Variants in CCSER2 observed in about 807,000 individuals in gnomAD.
The protein encoded by CCSER2 is coiled-coil serine rich protein 2, also known as serine-rich coiled-coil domain-containing protein 2.
CCSER2 carries 46 observed loss-of-function variants against 92.3 expected under a neutral mutation model. The ratio of observed to expected loss-of-function variants is 0.50; its 90% CI spans 0.39 to 0.64. CCSER2 has a LOEUF of 0.64. Among genes scored for constraint, CCSER2 ranks in the 30% least tolerant of loss-of-function variants. The pLI, the probability that CCSER2 is intolerant of heterozygous loss-of-function variation, is 0.00. For synonymous variants in CCSER2, 433 were observed against 431.4 expected (o/e 1.00, Z -0.04); for missense variants, 1,244 against 1,238.9 (o/e 1.00, Z -0.06).
chr10:84,469,323 TA>T (rs1156734048), intron 7 of CCSER2, among the ~76,000 whole-genome samples: 1 of 152,150 alleles, frequency 6.6e-6, no homozygotes, highest in Non-Finnish European at 1.5e-5. Flanking sequence ...TTCCTAAACT[TA>T]AAAACAAGTG....
intron 9 of CCSER2, among the ~76,000 whole-genome samples, chr10:84,511,092 A>C (rs1345179678): frequency 6.6e-6 from 1 of 152,234 alleles, no homozygotes; most frequent in Non-Finnish European, 1.5e-5. Flanking sequence ...GTAATTCACT[A>C]GTAGTATAGA....
chr10:84,452,830 GC>G (rs1445114330), intron 6 of CCSER2, among the ~76,000 whole-genome samples: 1 of 151,686 alleles, frequency 6.6e-6, no homozygotes, highest in Non-Finnish European at 1.5e-5. Flanking sequence ...GATCCCCGCC[GC>G]CCCCCTCCCC....
At chr10:84,441,747 T>G (rs940500800) in intron 6 of CCSER2, among the ~76,000 whole-genome samples, 5 of 50,492 alleles carry the variant, frequency 9.9e-5, no homozygotes, top group East Asian at 8.5e-4. Flanking sequence ...TTTTTTTTTT[T>G]TTTTTTTTTT....
At chr10:84,390,718 A>G (rs567303376) in intron 3 of CCSER2, among the ~76,000 whole-genome samples, 1 of 152,188 alleles carries the variant, frequency 6.6e-6, no homozygotes, top group South Asian at 2.1e-4. Context: ...AACCCACTTC[A>G]CTTCTGCCAC....
intron 9 of CCSER2, chr10:84,499,814 T>G: frequency 6.6e-7 from 1 of 1,525,386 alleles, no homozygotes; most frequent in Non-Finnish European, 9.1e-7. Context: ...TATGACTTGG[T>G]TTCTCTATTT....
intron 5 of CCSER2, among the ~76,000 whole-genome samples, chr10:84,437,653 A>G (rs1173909000): frequency 1.3e-5 from 2 of 150,996 alleles, no homozygotes; most frequent in Non-Finnish European, 2.9e-5. Context: ...TTTTTTCCTT[A>G]TTCAGCATGT....
chr10:84,483,959 A>T (rs1318740514), intron 9 of CCSER2, among the ~76,000 whole-genome samples: 1 of 4,926 alleles, frequency 2.0e-4, no homozygotes, highest in Non-Finnish European at 3.8e-4. Context: ...TAATTTATAT[A>T]TATATATATA....
chr10:84,335,249 T>A (rs1002081960), intron 1 of CCSER2, among the ~76,000 whole-genome samples: 1 of 145,862 alleles, frequency 6.9e-6, no homozygotes, highest in Non-Finnish European at 1.5e-5. Context: ...TTTTTTTTTT[T>A]TTGAGACAGG....
At chr10:84,344,839 G>A (rs770417838) in intron 1 of CCSER2, among the ~76,000 whole-genome samples, 16 of 152,160 alleles carry the variant, frequency 1.1e-4, no homozygotes, top group Non-Finnish European at 2.1e-4. Context: ...GAAGGCTTGG[G>A]TAATTTTAGC....
intron 1 of CCSER2, among the ~76,000 whole-genome samples, chr10:84,330,969 T>C (rs1178385982): frequency 6.6e-6 from 1 of 152,194 alleles, no homozygotes; most frequent in East Asian, 1.9e-4. Flanking sequence ...ATCTGTGTAT[T>C]TCACTTTTGC....
At chr10:84,448,864 G>A (rs770706079) in intron 6 of CCSER2, among the ~76,000 whole-genome samples, 31 of 151,970 alleles carry the variant, frequency 2.0e-4, no homozygotes, top group Non-Finnish European at 2.4e-4. Context: ...TTTTTTACTC[G>A]CCTTAATGGT....
chr10:84,457,369 A>AT (rs1845786028), intron 6 of CCSER2, among the ~76,000 whole-genome samples: 29 of 91,024 alleles, frequency 3.2e-4, no homozygotes, highest in South Asian at 8.1e-4. Flanking sequence ...ATTTATTTTA[A>AT]ATATATATTT....
chr10:84,441,734 A>AATTTTTTTT, intron 6 of CCSER2, among the ~76,000 whole-genome samples: 1 of 106,410 alleles, frequency 9.4e-6, no homozygotes, highest in Non-Finnish European at 1.8e-5. Context: ...GACTGGGAAA[A>AATTTTTTTT]TGTTTTTTTT....
At chr10:84,434,020 A>C (rs1481615823) in intron 5 of CCSER2, among the ~76,000 whole-genome samples, 1 of 152,222 alleles carries the variant, frequency 6.6e-6, no homozygotes. Context: ...GCAGCTTTGC[A>C]GTCTTCATGT....
chr10:84,356,294 TC>T (rs1205786540), intron 1 of CCSER2, among the ~76,000 whole-genome samples: 1 of 152,066 alleles, frequency 6.6e-6, no homozygotes, highest in Admixed American at 6.6e-5. Context: ...ATTTGGCAAA[TC>T]AAGCAGATTC....
chr10:84,494,956 C>T (rs1258151604), intron 9 of CCSER2, among the ~76,000 whole-genome samples: 3 of 150,152 alleles, frequency 2.0e-5, no homozygotes, highest in Non-Finnish European at 4.4e-5. Context: ...AATGGTTACA[C>T]CACAAAACTG....
At chr10:84,504,840 A>G (rs1213479534) in intron 9 of CCSER2, among the ~76,000 whole-genome samples, 2 of 152,180 alleles carry the variant, frequency 1.3e-5, no homozygotes, top group African/African-American at 4.8e-5. Context: ...ATGCAAATAA[A>G]TCATAAATAA....
intron 3 of CCSER2, among the ~76,000 whole-genome samples, chr10:84,376,310 A>G (rs957612341): frequency 1.3e-5 from 2 of 152,142 alleles, no homozygotes; most frequent in Non-Finnish European, 2.9e-5. Flanking sequence ...ATAAATTTGT[A>G]TGCTTGTTTG....
intron 9 of CCSER2, among the ~76,000 whole-genome samples, chr10:84,480,394 A>G (rs1847389825): frequency 6.6e-6 from 1 of 152,224 alleles, no homozygotes; most frequent in African/African-American, 2.4e-5. Context: ...GTAAGAGTGT[A>G]ATAAGAAAAC....
Sources: gnomAD v4.1 joint callset for allele counts (sites outside exome capture counted in the v4.1 genomes callset) on GRCh38, gnomAD v4.1.1 for gene constraint, MANE v1.5 for transcripts, NCBI Gene and HGNC (gene_info 2026-07-23, HGNC 2026-07-21) for gene names.